Variants in SMARCAD1 observed in about 807,000 individuals in gnomAD.
SMARCAD1 encodes SNF2 related chromatin remodeling ATPase with DExD box 1.
In SMARCAD1, 25 loss-of-function variants were observed where a neutral mutation model predicts 127.1. The observed-to-expected ratio is 0.20, with a 90% CI of 0.14 to 0.27. The LOEUF (loss-of-function observed/expected upper bound fraction) is 0.27, where lower values mean the gene tolerates loss of function less well. Among genes scored for constraint, SMARCAD1 ranks in the 10% least tolerant of loss-of-function variants. SMARCAD1 has a pLI of 1.00. For missense variants in SMARCAD1, 807 were observed against 1,206.0 expected (o/e 0.67, Z 4.90); for synonymous variants, 400 against 396.9 (o/e 1.01, Z -0.09).
At position 94,273,542 on chromosome 4, in the gene SMARCAD1, T is replaced by A. The variant is rs1579311390; in HGVS notation, c.1573-75T>A. On this transcript the variant is annotated intron_variant, in intron 11 of 23. Transcript: ENST00000354268. ...AGTGAATACAGCACAGAATTACTGC[T>A]TTTTCTTCTGTATTTTTATGTATTT... 3 of 1,114,172 alleles carry A rather than the reference T, an allele frequency of 2.7e-6. No homozygotes were observed. The South Asian group carries it at 4.0e-5, about 15-fold the overall frequency. 69.0% of individuals were successfully genotyped at this position (1,114,172 alleles called of 1,614,324 possible). A position where few individuals can be genotyped will look rare whatever the true frequency, so the allele number is the denominator to read the frequency against.
chr4:94,252,766 A>G lies in SMARCAD1; in HGVS notation c.1040A>G (p.Asn347Ser), dbSNP rs902106176. The change falls in exon 9 of 24, where the codon AAT (asparagine) becomes AGT (serine). Residue 347 changes from asparagine to serine, a missense_variant. Transcript: ENST00000354268. Reference sequence around the variant, plus strand: ...GGCTTTAACAAGAAACGTAAAAAAAATGTTTTTAATCCAAAGAGAGTTGTT... The same window carrying G: ...GGCTTTAACAAGAAACGTAAAAAAAGTGTTTTTAATCCAAAGAGAGTTGTT... ...QNGFNKKRKKNVFNPKRVVED... is the reference protein window; with the variant it reads ...QNGFNKKRKKSVFNPKRVVED... 1 of 1,609,634 alleles carries G rather than the reference A, an allele frequency of 6.2e-7. No individual in the cohort carries two copies. Among genetic ancestry groups the G allele is most frequent in the Non-Finnish European group, 8.5e-7 (1 of 1,178,984 alleles).
chr4:94,283,389 C>A, intron 22 of SMARCAD1, 86 bp downstream of exon 22: 1 of 1,406,606 alleles, frequency 7.1e-7, no homozygotes, highest in East Asian at 2.3e-5. Flanking sequence ...GGATGTCCTG[C>A]CTTAGTTTTT....
chr4:94,288,572 T>G (rs1755282212), intron 23 of SMARCAD1, among the ~76,000 whole-genome samples: 1 of 152,004 alleles, frequency 6.6e-6, no homozygotes, highest in Non-Finnish European at 1.5e-5. Flanking sequence ...TTTGTTTTGT[T>G]TTTTGTTTTT....
intron 2 of SMARCAD1, among the ~76,000 whole-genome samples, chr4:94,223,400 GA>G (rs1744468668): frequency 1.3e-5 from 2 of 152,038 alleles, no homozygotes; most frequent in Admixed American, 1.3e-4. Flanking sequence ...GGCTGAGGCA[GA>G]AGAATCACTG....
At chr4:94,237,136 T>G (rs1428155665) in intron 5 of SMARCAD1, 118 bp downstream of exon 5, 1 of 871,200 alleles carries the variant, frequency 1.1e-6, no homozygotes, top group Non-Finnish European at 1.9e-6. Flanking sequence ...TACAGGAATT[T>G]GTGAGGTATT....
intron 16 of SMARCAD1, among the ~76,000 whole-genome samples, chr4:94,277,431 T>C (rs780790926): frequency 5.3e-5 from 8 of 152,240 alleles, no homozygotes; most frequent in Non-Finnish European, 7.3e-5. Flanking sequence ...AGCTCAGATA[T>C]ATAGTATGTG....
At chr4:94,284,576 G>GTT (rs1553922093) in intron 22 of SMARCAD1, among the ~76,000 whole-genome samples, 2,643 of 135,146 alleles carry the variant, frequency 0.02, 78 homozygotes, top group African/African-American at 0.069. Flanking sequence ...TTTGGTTTTT[G>GTT]TTTTTTTTTT....
At chr4:94,268,945 T>A (rs574786998) in intron 10 of SMARCAD1, among the ~76,000 whole-genome samples, 1 of 152,272 alleles carries the variant, frequency 6.6e-6, no homozygotes, top group Non-Finnish European at 1.5e-5. Context: ...TGTTACTACT[T>A]TTATAGTAGT....
chr4:94,233,866 T>C, intron 3 of SMARCAD1, 88 bp from the exon 4 acceptor site: 1 of 1,327,660 alleles, frequency 7.5e-7, no homozygotes, highest in Non-Finnish European at 1.1e-6. Context: ...TGCAGATGTG[T>C]TGTACTATGT....
chr4:94,241,536 A>G (rs1433940547), intron 6 of SMARCAD1, among the ~76,000 whole-genome samples: 1 of 152,196 alleles, frequency 6.6e-6, no homozygotes, highest in Non-Finnish European at 1.5e-5. Context: ...GGGCATTAGG[A>G]CTTCAACATT....
intron 6 of SMARCAD1, among the ~76,000 whole-genome samples, chr4:94,243,872 T>C (rs1453372411): frequency 1.3e-5 from 2 of 152,230 alleles, no homozygotes; most frequent in African/African-American, 2.4e-5. Flanking sequence ...TACCTAAGCA[T>C]TCTGGTTCAA....
intron 23 of SMARCAD1, among the ~76,000 whole-genome samples, chr4:94,289,268 G>A (rs189971824): frequency 6.6e-6 from 1 of 152,154 alleles, no homozygotes; most frequent in Non-Finnish European, 1.5e-5. Flanking sequence ...AGATTGCTAT[G>A]TTGGCAATAT....
At chr4:94,227,539 T>G (rs1024234733) in intron 3 of SMARCAD1, among the ~76,000 whole-genome samples, 1 of 152,126 alleles carries the variant, frequency 6.6e-6, no homozygotes, top group Admixed American at 6.5e-5. Context: ...AAGAGAGGAT[T>G]TGTTGCTGGA....
At chr4:94,223,885 A>G (rs1034494267) in intron 2 of SMARCAD1, among the ~76,000 whole-genome samples, 4 of 151,858 alleles carry the variant, frequency 2.6e-5, no homozygotes, top group Non-Finnish European at 5.9e-5. Context: ...CTGGCCTCTC[A>G]TAGTCTTCCT....
intron 12 of SMARCAD1, 22 bp from the exon 13 acceptor site, chr4:94,274,716 T>G: frequency 6.2e-7 from 1 of 1,609,706 alleles, no homozygotes; most frequent in Non-Finnish European, 8.5e-7. Context: ...CAGATGCAAA[T>G]AATGTCTCTT....
intron 5 of SMARCAD1, among the ~76,000 whole-genome samples, chr4:94,238,204 TC>T (rs1487839368): frequency 2.6e-5 from 4 of 152,168 alleles, no homozygotes; most frequent in African/African-American, 9.7e-5. Context: ...ACCTTTAATT[TC>T]CTCCAGTTTG....
intron 11 of SMARCAD1, among the ~76,000 whole-genome samples, chr4:94,271,823 T>C (rs1413683400): frequency 1.3e-5 from 2 of 152,188 alleles, no homozygotes; most frequent in East Asian, 3.8e-4. Flanking sequence ...TCAAAACTAA[T>C]AATAAAATGT....
At chr4:94,231,257 G>T (rs935098901) in intron 3 of SMARCAD1, among the ~76,000 whole-genome samples, 6 of 152,256 alleles carry the variant, frequency 3.9e-5, no homozygotes, top group African/African-American at 1.4e-4. Context: ...TGAGCACATT[G>T]CCGATTGGGG....
Position 94,284,353 on chromosome 4 carries a change from A to G in SMARCAD1, c.2910-607A>G, listed in dbSNP as rs74440606. Among the ~76,000 whole-genome samples the G allele has an allele frequency of 4.5e-3, 393 of 88,242 alleles. 49 individuals are homozygous for G. The East Asian group carries it at 0.058, about 13-fold the overall frequency. The allele number at this position is 88,242 out of a possible 152,430, so 57.9% of individuals were successfully genotyped here. On this transcript the variant is annotated intron_variant, in intron 22 of 23. Coordinates refer to ENST00000354268, the MANE Select transcript of SMARCAD1 (RefSeq NM_020159.5). ...AAAAAAAAAAAAAAAAAAAAAAAAA[A>G]GAAAAAAGTAATTTCCATCTGAACA...
Sources: allele counts gnomAD v4.1 joint callset (sites outside exome capture counted in the v4.1 genomes callset), GRCh38; gene constraint gnomAD v4.1.1; transcripts MANE v1.5; gene names NCBI Gene and HGNC (gene_info 2026-07-23, HGNC 2026-07-21).